Variants in DPP3 observed in about 807,000 individuals in gnomAD.
DPP3 encodes DPP III.
Under a neutral mutation model 89.8 loss-of-function variants are expected in DPP3, and 64 were observed. That is an observed-to-expected ratio of 0.71 (90% confidence interval 0.58 to 0.88). DPP3 has a LOEUF of 0.88. Among genes scored for constraint, DPP3 ranks in the 40% least tolerant of loss-of-function variants. The pLI is 0.00. For synonymous variants in DPP3, 377 were observed against 404.3 expected, an observed-to-expected ratio of 0.93 and a Z score of 0.81; for missense variants, 835 against 972.5, an observed-to-expected ratio of 0.86 and a Z score of 1.88.
intron 9 of DPP3, 160 bp from the exon 10 acceptor site, chr11:66,492,556 G>A: frequency 1.2e-6 from 1 of 826,528 alleles, no homozygotes; most frequent in African/African-American, 1.7e-5. Context: ...TCCAGGTCCT[G>A]ACCCAGTAGG....
Position 66,491,711 on chromosome 11 carries a change from A to AT in DPP3, c.944dup (p.Glu316ArgfsTer14). On this transcript the variant is annotated frameshift_variant, in exon 9 of 18. Coordinates refer to ENST00000531863, the MANE Select transcript of DPP3 (RefSeq NM_130443.4). LOFTEE classifies it high-confidence loss of function. ...TCTCTCCCCCAGTTACATCGGGTTC[A>AT]TCGAGAGCTACCGCGACCCCTTTGG... 1 of 1,605,136 alleles carries AT rather than the reference A, an allele frequency of 6.2e-7. No individual in the cohort carries two copies.
At position 66,497,362 on chromosome 11, in the gene DPP3, C is replaced by G; in HGVS notation, c.1763C>G (p.Thr588Ser). The change falls in exon 16 of 18, where the codon ACC becomes AGC. Residue 588 changes from threonine to serine, a missense_variant. Thr to Ser is a moderately conservative substitution (Grantham distance 58). Coordinates refer to ENST00000531863, the MANE Select transcript of DPP3 (RefSeq NM_130443.4). Reference sequence around the variant, plus strand: ...CTGGAGGCTGGCGAGGGACTCGTTACCATCACTCCCACCACAGGCTCCGAT... The same window carrying G: ...CTGGAGGCTGGCGAGGGACTCGTTAGCATCACTCCCACCACAGGCTCCGAT... ...VLLEAGEGLVTITPTTGSDGR... is the reference protein window; with the variant it reads ...VLLEAGEGLVSITPTTGSDGR... 6.2e-7 allele frequency: 1 copy of G among 1,614,024 alleles called. No individual in the cohort carries two copies.
rs1855579073 is a variant in DPP3, at chr11:66,497,846, G to A, written c.1878+369G>A. The stretch of plus-strand genomic sequence containing the variant: ...GTCGAGGCTGCAGTAAGCCATGATT[G>A]CACCACTACACTCCAGCCTGGGTGA... On this transcript the variant is annotated intron_variant, in intron 16 of 17. Coordinates refer to ENST00000531863, the MANE Select transcript of DPP3 (RefSeq NM_130443.4). Among the ~76,000 whole-genome samples the A allele has an allele frequency of 2.0e-5, 3 of 150,770 alleles. No homozygotes were observed. In the South Asian group the frequency reaches 6.3e-4, roughly 32 times the overall value.
At chr11:66,497,171 C>T (rs1321380437) in intron 15 of DPP3, 127 bp from the exon 16 acceptor site, 1 of 1,162,538 alleles carries the variant, frequency 8.6e-7, no homozygotes, top group African/African-American at 1.5e-5. Context: ...ATGACAATAA[C>T]AGTTGCCAGT....
In DPP3 at chr11:66,509,273, C is replaced by T; in HGVS notation, c.*22C>T. On this transcript the variant is annotated 3_prime_UTR_variant, in exon 18 of 18. Transcript: ENST00000531863. Reference sequence around the variant, plus strand: ...TTGAGGAAGATGTGTGGCCTTGCCCCCAATTCCATCAGACCAAGGCTGCAA... The same window carrying T: ...TTGAGGAAGATGTGTGGCCTTGCCCTCAATTCCATCAGACCAAGGCTGCAA... The T allele has an allele frequency of 6.3e-7, 1 of 1,589,272 alleles. No individual in the cohort carries two copies. The highest frequency in any genetic ancestry group is 1.1e-5 in the South Asian group (1 of 88,702).
chr11:66,486,808 C>T, intron 4 of DPP3, 131 bp downstream of exon 4: 2 of 1,114,952 alleles, frequency 1.8e-6, no homozygotes, highest in South Asian at 2.1e-5. Flanking sequence ...ATGCTGCTCC[C>T]CACTGCAGGC....
At chr11:66,500,414 TAAAATAAGCA>T (rs2134745849) in intron 16 of DPP3, among the ~76,000 whole-genome samples, 1 of 152,094 alleles carries the variant, frequency 6.6e-6, no homozygotes, top group South Asian at 2.1e-4. Context: ...TAACCCAACA[TAAAATAAGCA>T]AAAATGAACA....
At chr11:66,499,245 C>G (rs965355560) in intron 16 of DPP3, among the ~76,000 whole-genome samples, 25 of 151,662 alleles carry the variant, frequency 1.6e-4, no homozygotes, top group South Asian at 8.3e-4. Flanking sequence ...TGCCTGTAAT[C>G]CCAGCTACTT....
Position 66,509,205 on chromosome 11 carries a change from C to T in DPP3, c.2168C>T (p.Ala723Val). The T allele has an allele frequency of 1.2e-6, 2 of 1,613,946 alleles. No homozygotes were observed. Among genetic ancestry groups the T allele is most frequent in the Non-Finnish European group, 1.7e-6 (2 of 1,179,948 alleles). ...CTCACACAGCTGGCCACAGCCGATG[C>T]CCGATTCTGGAAGGGCCCCAGTGAG... ...EILTQLATAD[A>V]RFWKGPSEAP... is the part of the protein sequence containing the mutation. Residue 723 changes from alanine (A) to valine (V), a missense_variant, in exon 18 of 18, where the codon GCC becomes GTC. By Grantham distance (64) the Ala-to-Val change is moderately conservative. Transcript: ENST00000531863.
intron 15 of DPP3, among the ~76,000 whole-genome samples, chr11:66,496,615 C>A (rs557915325): frequency 5.0e-4 from 76 of 152,166 alleles, no homozygotes; most frequent in Non-Finnish European, 4.4e-5. Flanking sequence ...GGGGTTTCAC[C>A]GTGTTAGCCA....
chr11:66,491,800 C>T, intron 9 of DPP3, 44 bp downstream of exon 9: 1 of 1,603,664 alleles, frequency 6.2e-7, no homozygotes, highest in African/African-American at 1.3e-5. Context: ...CCTTCCCCCA[C>T]ATCCAAGTCC....
chr11:66,482,117 G>T (rs1855099367), intron 1 of DPP3, 76 bp from the exon 2 acceptor site: 2 of 1,558,544 alleles, frequency 1.3e-6, no homozygotes, highest in Non-Finnish European at 8.7e-7. Context: ...GATTAAATGA[G>T]ATCATAAGAG....
chr11:66,485,647 T>C (rs1006773473), intron 3 of DPP3, among the ~76,000 whole-genome samples: 1 of 152,222 alleles, frequency 6.6e-6, no homozygotes, highest in African/African-American at 2.4e-5. Flanking sequence ...GTGGTTCTTA[T>C]AGCAGGTATA....
intron 17 of DPP3, among the ~76,000 whole-genome samples, chr11:66,506,052 G>C (rs1008170462): frequency 6.6e-6 from 1 of 152,030 alleles, no homozygotes; most frequent in African/African-American, 2.4e-5. Flanking sequence ...GGGTTCAAGC[G>C]ATTCTCCTGC....
At chr11:66,497,591 G>A in intron 16 of DPP3, 114 bp downstream of exon 16, 1 of 1,396,258 alleles carries the variant, frequency 7.2e-7, no homozygotes. Context: ...AGTGAGGAAA[G>A]GTAGCCAGTA....
At chr11:66,499,507 C>T (rs1375878154) in intron 16 of DPP3, among the ~76,000 whole-genome samples, 1 of 152,074 alleles carries the variant, frequency 6.6e-6, no homozygotes, top group Non-Finnish European at 1.5e-5. Flanking sequence ...TGGTGGTTCA[C>T]GCCTGTAATC....
chr11:66,495,556 T>C, intron 14 of DPP3, 67 bp downstream of exon 14: 1 of 1,610,064 alleles, frequency 6.2e-7, no homozygotes, highest in East Asian at 2.2e-5. Flanking sequence ...GCGTGGAGGG[T>C]GGGTGGTAGT....
At chr11:66,495,898 C>G (rs1168251551) in intron 15 of DPP3, 148 bp downstream of exon 15, 9 of 1,339,532 alleles carry the variant, frequency 6.7e-6, no homozygotes, top group Non-Finnish European at 8.0e-6. Context: ...AGTCACATCA[C>G]TCTTGTGAGC....
chr11:66,492,901 A>T lies in DPP3; in HGVS notation c.1174A>T (p.Ile392Phe). The T allele has an allele frequency of 6.2e-7, 1 of 1,610,868 alleles. No individual in the cohort carries two copies. Among genetic ancestry groups the T allele is most frequent in the Non-Finnish European group, 8.5e-7 (1 of 1,178,390 alleles). ...AGSGIPAGIN[I>F]PNYDDLRQTE... is the part of the protein sequence containing the mutation. ...CTCCGGCATCCCTGCCGGCATCAAC[A>T]TCCCCAACTGTGAGTGTCTCAGGCC... Residue 392 changes from isoleucine (I) to phenylalanine (F), a missense_variant, in exon 10 of 18, where the codon ATC becomes TTC. Transcript: ENST00000531863.
Sources: gnomAD v4.1 joint callset for allele counts (sites outside exome capture counted in the v4.1 genomes callset) on GRCh38, gnomAD v4.1.1 for gene constraint, MANE v1.5 for transcripts, NCBI Gene and HGNC (gene_info 2026-07-23, HGNC 2026-07-21) for gene names.